Variants in TBC1D2 observed in about 807,000 individuals in gnomAD.
The protein encoded by TBC1D2 is TBC1 domain family member 2.
Under a neutral mutation model 91.1 loss-of-function variants are expected in TBC1D2, and 58 were observed. The ratio of observed to expected loss-of-function variants is 0.64; its 90% CI spans 0.52 to 0.79. The LOEUF (loss-of-function observed/expected upper bound fraction) is 0.79, where lower values mean the gene tolerates loss of function less well. Among genes scored for constraint, TBC1D2 ranks in the 30% least tolerant of loss-of-function variants. The pLI is 0.00. For missense variants in TBC1D2, 1,080 were observed against 1,208.3 expected (o/e 0.89, Z 1.57); for synonymous variants, 482 against 511.5 (o/e 0.94, Z 0.78).
chr9:98,244,826 G>A (rs1588064333), intron 2 of TBC1D2, among the ~76,000 whole-genome samples: 1 of 152,112 alleles, frequency 6.6e-6, no homozygotes, highest in African/African-American at 2.4e-5. Context: ...CTTGGGAATA[G>A]GTTAAGTATA....
At chr9:98,236,791 T>C (rs1192945432) in intron 3 of TBC1D2, among the ~76,000 whole-genome samples, 1 of 152,242 alleles carries the variant, frequency 6.6e-6, no homozygotes, top group Non-Finnish European at 1.5e-5. Flanking sequence ...TCAATGTTGT[T>C]GGTTCTTTAC....
At chr9:98,233,970 C>T (rs1389411513) in intron 3 of TBC1D2, among the ~76,000 whole-genome samples, 2 of 152,206 alleles carry the variant, frequency 1.3e-5, no homozygotes, top group Non-Finnish European at 1.5e-5. Flanking sequence ...TTCCCGAAAC[C>T]TTCATCTGGT....
chr9:98,225,297 A>G (rs1029715813), intron 5 of TBC1D2, among the ~76,000 whole-genome samples: 9 of 152,218 alleles, frequency 5.9e-5, no homozygotes, highest in African/African-American at 2.2e-4. Flanking sequence ...ATCTGGTGCT[A>G]TCTCCTAGAG....
chr9:98,227,404 T>C (rs959387744), intron 5 of TBC1D2, among the ~76,000 whole-genome samples: 4 of 152,152 alleles, frequency 2.6e-5, no homozygotes, highest in African/African-American at 9.7e-5. Context: ...TAAGAACGTA[T>C]GAATAAATGA....
At chr9:98,239,071 T>C (rs1186146771) in intron 3 of TBC1D2, among the ~76,000 whole-genome samples, 1 of 151,952 alleles carries the variant, frequency 6.6e-6, no homozygotes, top group Admixed American at 6.6e-5. Flanking sequence ...TTATTACTAT[T>C]ATTTAGAGAC....
chr9:98,230,317 T>C (rs904307045), intron 4 of TBC1D2, among the ~76,000 whole-genome samples: 2 of 152,268 alleles, frequency 1.3e-5, no homozygotes, highest in African/African-American at 4.8e-5. Context: ...TTGCCTTGGC[T>C]GCTGAGCTTA....
At chr9:98,250,759 G>C (rs1017442483) in intron 2 of TBC1D2, among the ~76,000 whole-genome samples, 3 of 152,202 alleles carry the variant, frequency 2.0e-5, no homozygotes, top group Non-Finnish European at 4.4e-5. Flanking sequence ...TTTAGACACA[G>C]TGTGGCTTTG....
In TBC1D2 at chr9:98,255,360, A is replaced by G; in HGVS notation, c.182T>C (p.Ile61Thr). 1.9e-6 allele frequency: 3 copies of G among 1,614,214 alleles called. No individual in the cohort carries two copies. The highest frequency in any genetic ancestry group is 2.5e-6 in the Non-Finnish European group (3 of 1,180,036). The change falls in exon 1 of 13, where the codon ATC (isoleucine) becomes ACC (threonine). Residue 61 changes from isoleucine (I) to threonine (T), a missense_variant. Transcript: ENST00000465784. ...YLSKFGGKGP[I>T]RGWKSRWFFY... ...GAACCAGCGGGATTTCCAGCCCCGGATGGGCCCTTTGCCGCCGAACTTACT... is the reference window on the plus strand; with the variant it reads ...GAACCAGCGGGATTTCCAGCCCCGGGTGGGCCCTTTGCCGCCGAACTTACT...
intron 12 of TBC1D2, among the ~76,000 whole-genome samples, chr9:98,199,906 G>A (rs1828440323): frequency 1.3e-5 from 2 of 152,202 alleles, no homozygotes; most frequent in Admixed American, 1.3e-4. Context: ...TAGTGGTGGT[G>A]GAAGTGGCAA....
At chr9:98,203,161 C>T (rs1193494467) in intron 10 of TBC1D2, 127 bp downstream of exon 10, 2 of 1,421,168 alleles carry the variant, frequency 1.4e-6, no homozygotes, top group Non-Finnish European at 1.9e-6. Flanking sequence ...CAAATGCACT[C>T]CCACAGTGCA....
chr9:98,254,416 T>C (rs56383989), intron 1 of TBC1D2, among the ~76,000 whole-genome samples: 7 of 152,216 alleles, frequency 4.6e-5, no homozygotes, highest in African/African-American at 1.7e-4. Context: ...AATTTGTACA[T>C]GCCTGTGATG....
At chr9:98,241,077 C>T (rs1289753834) in intron 3 of TBC1D2, among the ~76,000 whole-genome samples, 2 of 152,180 alleles carry the variant, frequency 1.3e-5, no homozygotes, top group Admixed American at 6.5e-5. Context: ...ATGGACCCTT[C>T]CATGGCTCAA....
At chr9:98,230,424 A>C (rs1345762294) in intron 4 of TBC1D2, among the ~76,000 whole-genome samples, 1 of 152,198 alleles carries the variant, frequency 6.6e-6, no homozygotes, top group Non-Finnish European at 1.5e-5. Flanking sequence ...AGGAGTATGC[A>C]TTTTAGTAAA....
At chr9:98,240,420 C>T (rs2097791091) in intron 3 of TBC1D2, among the ~76,000 whole-genome samples, 1 of 152,166 alleles carries the variant, frequency 6.6e-6, no homozygotes, top group African/African-American at 2.4e-5. Context: ...GTCTTGCCTT[C>T]CCCATCTGAA....
chr9:98,218,877 C>T (rs139111652), intron 6 of TBC1D2, among the ~76,000 whole-genome samples: 224 of 152,268 alleles, frequency 1.5e-3, no homozygotes, highest in African/African-American at 5.2e-3. Flanking sequence ...GCTGCTCTAC[C>T]GGGGCTTGCA....
intron 9 of TBC1D2, among the ~76,000 whole-genome samples, chr9:98,206,870 G>A (rs1828667906): frequency 1.3e-5 from 2 of 152,212 alleles, no homozygotes; most frequent in South Asian, 2.1e-4. Context: ...TTCCTACCTG[G>A]CTTTTGTGTG....
intron 4 of TBC1D2, among the ~76,000 whole-genome samples, chr9:98,233,024 G>T (rs986928826): frequency 6.6e-6 from 1 of 152,174 alleles, no homozygotes; most frequent in African/African-American, 2.4e-5. Context: ...TAACAGGTGG[G>T]GCCCTTGGGA....
At chr9:98,209,756 T>TTTCCTTTCCTTCC (rs1828771356) in intron 8 of TBC1D2, among the ~76,000 whole-genome samples, 1 of 105,478 alleles carries the variant, frequency 9.5e-6, no homozygotes, top group Non-Finnish European at 1.9e-5. Flanking sequence ...CCTTCCTTCC[T>TTTCCTTTCCTTCC]TTCCTTCCTT....
chr9:98,222,849 CA>C (rs1284869449), intron 5 of TBC1D2, among the ~76,000 whole-genome samples: 1 of 152,224 alleles, frequency 6.6e-6, no homozygotes, highest in African/African-American at 2.4e-5. Flanking sequence ...GGAAAACTGC[CA>C]AAAACCATGA....
Sources: allele counts gnomAD v4.1 joint callset (sites outside exome capture counted in the v4.1 genomes callset), GRCh38; gene constraint gnomAD v4.1.1; transcripts MANE v1.5; gene names NCBI Gene and HGNC (gene_info 2026-07-23, HGNC 2026-07-21).